Variants in PSKH1 observed in about 807,000 individuals in gnomAD.
PSKH1 encodes the protein serine/threonine-protein kinase H1.
PSKH1 carries 12 observed loss-of-function variants against 26.7 expected under a neutral mutation model. The ratio of observed to expected loss-of-function variants is 0.45; its 90% confidence interval spans 0.29 to 0.73. The LOEUF is 0.73. Among genes scored for constraint, PSKH1 ranks in the 30% least tolerant of loss-of-function variants. The pLI, the probability that PSKH1 is intolerant of heterozygous loss-of-function variation, is 0.11. For synonymous variants in PSKH1, 213 were observed against 234.3 expected (o/e 0.91, Z 0.83); for missense variants, 431 against 595.2 (o/e 0.72, Z 2.87).
intron 2 of PSKH1, among the ~76,000 whole-genome samples, chr16:67,922,390 C>T (rs1004780461): frequency 6.6e-6 from 1 of 152,148 alleles, no homozygotes; most frequent in Admixed American, 6.6e-5. Context: ...TCTGAAAATA[C>T]ATCTTGAAAT....
rs1371777492 is a variant in PSKH1 at position 67,908,601 on chromosome 16, G to C, written c.-70-79G>C. Reference sequence around the variant, plus strand: ...TGGTTTTAATGAGACTGAGTTTCTGGAGAGGGAGGGCTGAGGAGGATGGCT... The same window carrying C: ...TGGTTTTAATGAGACTGAGTTTCTGCAGAGGGAGGGCTGAGGAGGATGGCT... On this transcript the variant is annotated intron_variant, in intron 1 of 2. Coordinates refer to ENST00000291041, the MANE Select transcript of PSKH1 (RefSeq NM_006742.3). 3.7e-5 allele frequency: 24 copies of C among 652,304 alleles called. No individual in the cohort carries two copies. In the East Asian group the frequency reaches 6.6e-4, roughly 18 times the overall value. 40.4% of individuals were successfully genotyped at this position (652,304 alleles called of 1,614,324 possible). A position where few individuals can be genotyped will look rare whatever the true frequency, so the allele number is the denominator to read the frequency against.
chr16:67,896,509 C>T (rs16957585), intron 1 of PSKH1, among the ~76,000 whole-genome samples: 7,306 of 146,020 alleles, frequency 0.05, 540 homozygotes, highest in African/African-American at 0.17. Flanking sequence ...TTCTGGTCAT[C>T]GGGGAAAACT....
At chr16:67,912,697 C>T (rs1247801820) in intron 2 of PSKH1, among the ~76,000 whole-genome samples, 4 of 152,082 alleles carry the variant, frequency 2.6e-5, no homozygotes, top group Admixed American at 2.0e-4. Context: ...GGTGAAACCC[C>T]GTCTCTACTA....
chr16:67,905,686 T>A (rs1015466369), intron 1 of PSKH1, among the ~76,000 whole-genome samples: 54 of 152,034 alleles, frequency 3.6e-4, no homozygotes, highest in Non-Finnish European at 6.0e-4. Context: ...ATGAAACCCT[T>A]TCTCTCTACT....
chr16:67,907,508 G>A (rs939618482), intron 1 of PSKH1, among the ~76,000 whole-genome samples: 5 of 152,152 alleles, frequency 3.3e-5, no homozygotes, highest in South Asian at 2.1e-4. Flanking sequence ...TGATCTGCCC[G>A]CCTCGGCCTT....
chr16:67,925,624 C>T (rs922327480), intron 2 of PSKH1, among the ~76,000 whole-genome samples: 1 of 152,152 alleles, frequency 6.6e-6, no homozygotes, highest in Non-Finnish European at 1.5e-5. Context: ...CTGCATGCTC[C>T]TGGACCCTGA....
intron 2 of PSKH1, among the ~76,000 whole-genome samples, chr16:67,913,649 C>G (rs1389817955): frequency 2.0e-5 from 3 of 152,096 alleles, no homozygotes; most frequent in Admixed American, 2.0e-4. Flanking sequence ...GTCCTCACCT[C>G]CATGCAGAAA....
intron 2 of PSKH1, among the ~76,000 whole-genome samples, chr16:67,922,052 C>G (rs536981158): frequency 3.3e-5 from 5 of 151,954 alleles, no homozygotes; most frequent in South Asian, 4.2e-4. Flanking sequence ...TCTCTCCCCC[C>G]ACACCCTTCC....
chr16:67,910,142 G>A (rs539309902), intron 2 of PSKH1: 2 of 284,566 alleles, frequency 7.0e-6, no homozygotes, highest in Admixed American at 4.6e-5. Flanking sequence ...TACTTCATGG[G>A]TTGAGAATTT....
intron 2 of PSKH1, among the ~76,000 whole-genome samples, chr16:67,914,883 G>A (rs1598191315): frequency 1.3e-5 from 2 of 152,306 alleles, no homozygotes; most frequent in Non-Finnish European, 2.9e-5. Context: ...TAGCCCAGGA[G>A]TGAGGGAGAG....
chr16:67,916,584 C>A (rs2058188549), intron 2 of PSKH1, among the ~76,000 whole-genome samples: 1 of 152,012 alleles, frequency 6.6e-6, no homozygotes, highest in Non-Finnish European at 1.5e-5. Flanking sequence ...TGTTGGGAGC[C>A]CTCTGCACTG....
chr16:67,909,312 G>T lies in PSKH1; in HGVS notation c.563G>T (p.Gly188Val). The T allele has an allele frequency of 1.2e-6, 2 of 1,614,012 alleles. No homozygotes were observed. Among genetic ancestry groups the T allele is most frequent in the Non-Finnish European group, 1.7e-6 (2 of 1,180,006 alleles). The change falls in exon 2 of 3, where the codon GGC becomes GTC. Residue 188 changes from glycine (G) to valine (V), a missense_variant. Transcript: ENST00000291041. This position sits in a 1 kb window ranked among gnomAD's most constrained non-coding sequence, Gnocchi z 7.8. Reference protein sequence around the residue: ...GELFDRIIAKGSFTERDATRV... With the variant: ...GELFDRIIAKVSFTERDATRV... ...CTCTTTGACCGCATCATTGCCAAGG[G>T]CTCCTTCACCGAGCGTGACGCCACG...
chr16:67,897,780 G>A (rs2058130500), intron 1 of PSKH1, among the ~76,000 whole-genome samples: 2 of 152,098 alleles, frequency 1.3e-5, no homozygotes, highest in Admixed American at 6.6e-5. Flanking sequence ...TTGCCTTCCC[G>A]TGCTCAAGTG....
chr16:67,923,408 A>G (rs151264254), intron 2 of PSKH1, among the ~76,000 whole-genome samples: 1,688 of 152,248 alleles, frequency 0.011, 54 homozygotes, highest in Non-Finnish European at 8.9e-3. Flanking sequence ...TTCCTCTTGA[A>G]GCAGGACCCA....
chr16:67,921,927 A>G (rs2058203730), intron 2 of PSKH1, among the ~76,000 whole-genome samples: 1 of 149,198 alleles, frequency 6.7e-6, no homozygotes, highest in African/African-American at 2.5e-5. Flanking sequence ...AGCTTTACTA[A>G]CCTTTAAGTT....
At chr16:67,913,980 T>A (rs1020277513) in intron 2 of PSKH1, among the ~76,000 whole-genome samples, 2 of 151,954 alleles carry the variant, frequency 1.3e-5, no homozygotes, top group African/African-American at 2.4e-5. Context: ...AAGGGAATGA[T>A]AGCTACAGAA....
chr16:67,907,959 C>T (rs752865852), intron 1 of PSKH1, among the ~76,000 whole-genome samples: 5 of 152,082 alleles, frequency 3.3e-5, no homozygotes, highest in Non-Finnish European at 5.9e-5. Context: ...ACACTTCACA[C>T]CCCCATTTCA....
At chr16:67,923,660 C>T (rs1224711804) in intron 2 of PSKH1, among the ~76,000 whole-genome samples, 1 of 152,238 alleles carries the variant, frequency 6.6e-6, no homozygotes, top group Non-Finnish European at 1.5e-5. Flanking sequence ...TCAGAGACTG[C>T]CCAGGTGGGT....
At chr16:67,921,341 C>T (rs1410470441) in intron 2 of PSKH1, among the ~76,000 whole-genome samples, 2 of 151,978 alleles carry the variant, frequency 1.3e-5, no homozygotes, top group Non-Finnish European at 2.9e-5. Context: ...TTTGGGAGGC[C>T]GAGGCGGGCA....
Sources: gnomAD v4.1 joint callset for allele counts (sites outside exome capture counted in the v4.1 genomes callset) on GRCh38, gnomAD v4.1.1 for gene constraint, Gnocchi (gnomAD v3.1) non-coding constraint, MANE v1.5 for transcripts, NCBI Gene and HGNC (gene_info 2026-07-23, HGNC 2026-07-21) for gene names.